Variants in LPAR3 observed in about 807,000 individuals in gnomAD.
The protein encoded by LPAR3 is lysophosphatidic acid receptor 3, also known as LPA receptor 3.
In LPAR3, 7 loss-of-function variants were observed where a neutral mutation model predicts 17.8. The ratio of observed to expected loss-of-function variants is 0.39; its 90% CI spans 0.22 to 0.74. LPAR3 has a LOEUF of 0.74. Among genes scored for constraint, LPAR3 ranks in the 30% least tolerant of loss-of-function variants. The probability of loss-of-function intolerance (pLI) is 0.40; values close to 1 mark genes in which losing one functional copy is unlikely to be tolerated. For synonymous variants in LPAR3, 179 were observed against 179.9 expected (o/e 0.99, Z 0.04); for missense variants, 391 against 453.4 (o/e 0.86, Z 1.25).
chr1:84,889,225 G>T (rs1414827065), intron 1 of LPAR3, among the ~76,000 whole-genome samples: 3 of 152,172 alleles, frequency 2.0e-5, no homozygotes, highest in Non-Finnish European at 4.4e-5. Flanking sequence ...CAGCTGGCTT[G>T]CCAGGACAGG....
chr1:84,857,806 C>A (rs1659856722), intron 2 of LPAR3, among the ~76,000 whole-genome samples: 1 of 152,160 alleles, frequency 6.6e-6, no homozygotes, highest in Non-Finnish European at 1.5e-5. Context: ...TAACCTTGAG[C>A]AAGACATTGA....
At chr1:84,859,455 A>G (rs954672561) in intron 2 of LPAR3, among the ~76,000 whole-genome samples, 31 of 152,216 alleles carry the variant, frequency 2.0e-4, no homozygotes, top group Non-Finnish European at 3.2e-4. Context: ...ATATTTTAAA[A>G]GAGTTCAGTG....
intron 2 of LPAR3, among the ~76,000 whole-genome samples, chr1:84,814,900 A>T (rs1658903483): frequency 6.6e-6 from 1 of 152,196 alleles, no homozygotes. Context: ...TATGAACCGT[A>T]GTCTCTTCTG....
chr1:84,854,229 T>A (rs1007759706), intron 2 of LPAR3, among the ~76,000 whole-genome samples: 1 of 152,166 alleles, frequency 6.6e-6, no homozygotes, highest in African/African-American at 2.4e-5. Flanking sequence ...GACATATGTA[T>A]ACCTGTCTCC....
At chr1:84,838,357 C>G (rs1361974428) in intron 2 of LPAR3, among the ~76,000 whole-genome samples, 1 of 152,184 alleles carries the variant, frequency 6.6e-6, no homozygotes, top group Non-Finnish European at 1.5e-5. Flanking sequence ...CTCATGGTCC[C>G]ATTCTCAAAG....
chr1:84,879,660 A>G (rs1270135485), intron 1 of LPAR3, among the ~76,000 whole-genome samples: 1 of 152,140 alleles, frequency 6.6e-6, no homozygotes, highest in African/African-American at 2.4e-5. Flanking sequence ...GGGCACCAGG[A>G]CGCCCAACTG....
In LPAR3 at chr1:84,813,576, C is replaced by A; in HGVS notation, c.*270G>T. 4 of 362,452 alleles carry A rather than the reference C, an allele frequency of 1.1e-5. No homozygotes were observed. The highest frequency in any genetic ancestry group is 1.2e-4 in the South Asian group (2 of 16,198). 22.5% of individuals were successfully genotyped at this position (362,452 alleles called of 1,614,324 possible). On this transcript the variant is annotated 3_prime_UTR_variant, in exon 3 of 3. Coordinates refer to ENST00000370611, the MANE Select transcript of LPAR3 (RefSeq NM_012152.3). Reference sequence around the variant, plus strand: ...GAAATGGTGCCAGAACCCAGAAGGCCCAGCTGGACTGACAGGAGCTCTGAG... The same window carrying A: ...GAAATGGTGCCAGAACCCAGAAGGCACAGCTGGACTGACAGGAGCTCTGAG...
intron 2 of LPAR3, among the ~76,000 whole-genome samples, chr1:84,833,202 T>A (rs1277437144): frequency 6.6e-6 from 1 of 152,174 alleles, no homozygotes; most frequent in Non-Finnish European, 1.5e-5. Context: ...AAAGCTCACA[T>A]TCATGTCCTT....
intron 2 of LPAR3, among the ~76,000 whole-genome samples, chr1:84,838,827 T>C (rs1267492461): frequency 6.6e-6 from 1 of 152,198 alleles, no homozygotes; most frequent in Non-Finnish European, 1.5e-5. Context: ...CCCACCTCTC[T>C]GCTCCTCTGA....
intron 2 of LPAR3, among the ~76,000 whole-genome samples, chr1:84,831,273 C>A (rs1042606622): frequency 5.3e-5 from 8 of 152,108 alleles, no homozygotes; most frequent in African/African-American, 1.9e-4. Context: ...CCCACCACTC[C>A]TGATATCTCT....
chr1:84,859,271 T>C (rs1659889167), intron 2 of LPAR3, among the ~76,000 whole-genome samples: 1 of 152,196 alleles, frequency 6.6e-6, no homozygotes, highest in African/African-American at 2.4e-5. Flanking sequence ...ACTTGAGCTA[T>C]CGTTTCGTTG....
Position 84,813,158 on chromosome 1 carries a change from TAGAC to T in LPAR3, c.*684_*687del, listed in dbSNP as rs1171319225. The T allele has an allele frequency of 9.8e-6, 1 of 101,676 alleles. No individual in the cohort carries two copies. The highest frequency in any genetic ancestry group is 2.1e-5 in the Non-Finnish European group (1 of 47,324). 6.3% of individuals were successfully genotyped at this position (101,676 alleles called of 1,614,324 possible). A position where few individuals can be genotyped will look rare whatever the true frequency, so the allele number is the denominator to read the frequency against. On this transcript the variant is annotated 3_prime_UTR_variant, in exon 3 of 3. Coordinates refer to ENST00000370611, the MANE Select transcript of LPAR3 (RefSeq NM_012152.3). The stretch of plus-strand genomic sequence containing the variant: ...ATATATATATATATATATATATATA[TAGAC>T]ACACACACACACACACACACACATG...
intron 1 of LPAR3, among the ~76,000 whole-genome samples, chr1:84,891,155 T>A (rs1467302045): frequency 7.4e-6 from 1 of 134,322 alleles, no homozygotes; most frequent in Admixed American, 7.1e-5. Flanking sequence ...ATAGGTCTGA[T>A]CTGATAAAAA....
intron 2 of LPAR3, among the ~76,000 whole-genome samples, chr1:84,860,601 A>G (rs965669683): frequency 1.3e-5 from 2 of 152,190 alleles, no homozygotes; most frequent in African/African-American, 4.8e-5. Context: ...CCTCTTCTGA[A>G]ATAAGATTAA....
At chr1:84,882,917 A>G (rs1660391504) in intron 1 of LPAR3, among the ~76,000 whole-genome samples, 1 of 152,270 alleles carries the variant, frequency 6.6e-6, no homozygotes. Flanking sequence ...CTTACCAACA[A>G]GTTAGTTATC....
intron 1 of LPAR3, among the ~76,000 whole-genome samples, chr1:84,876,670 G>A (rs1660266716): frequency 6.6e-6 from 1 of 152,128 alleles, no homozygotes; most frequent in Non-Finnish European, 1.5e-5. Context: ...CCGGTTACCA[G>A]GTTGACTATA....
chr1:84,815,971 C>T (rs1658924915), intron 2 of LPAR3, among the ~76,000 whole-genome samples: 2 of 152,132 alleles, frequency 1.3e-5, no homozygotes, highest in Non-Finnish European at 2.9e-5. Context: ...GATAAGAGAT[C>T]AGAGATTTGG....
rs1444840536 is a variant in LPAR3 at position 84,811,644 on chromosome 1, A to C, written c.*2202T>G. 1 of 152,214 alleles carries C rather than the reference A, an allele frequency of 6.6e-6. No homozygotes were observed. The highest frequency in any genetic ancestry group is 1.5e-5 in the Non-Finnish European group (1 of 68,040). 9.4% of individuals were successfully genotyped at this position (152,214 alleles called of 1,614,324 possible). A position where few individuals can be genotyped will look rare whatever the true frequency, so the allele number is the denominator to read the frequency against. On this transcript the variant is annotated 3_prime_UTR_variant, in exon 3 of 3. Transcript: ENST00000370611. ...TTATTTTATAGGTAGCTTCGATAAA[A>C]GCTTCAGATAGACCCACATACTATA... is the stretch of plus-strand genomic sequence containing the variant.
chr1:84,831,483 T>C (rs1283312399), intron 2 of LPAR3, among the ~76,000 whole-genome samples: 1 of 152,062 alleles, frequency 6.6e-6, no homozygotes, highest in Admixed American at 6.6e-5. Flanking sequence ...CCAAATTAAA[T>C]CTTAAAACAT....
Sources: allele counts gnomAD v4.1 joint callset (sites outside exome capture counted in the v4.1 genomes callset), GRCh38; gene constraint gnomAD v4.1.1; transcripts MANE v1.5; gene names NCBI Gene and HGNC (gene_info 2026-07-23, HGNC 2026-07-21).